DHRSX: variants seen among roughly 807,000 people sequenced by gnomAD.
DHRSX encodes the protein dehydrogenase/reductase X-linked.
Under a neutral mutation model 34.0 loss-of-function variants are expected in DHRSX, and 31 were observed. That is an observed-to-expected ratio of 0.91 (90% confidence interval 0.69 to 1.23). The LOEUF is 1.23. Ranked by LOEUF, DHRSX falls within the 50% of genes most tolerant of loss-of-function variation. The pLI, the probability that DHRSX is intolerant of heterozygous loss-of-function variation, is 0.00. For synonymous variants in DHRSX, 201 were observed against 183.8 expected (o/e 1.09, Z -0.76); for missense variants, 414 against 428.1 (o/e 0.97, Z 0.29).
chrX:2,462,127 G>A (rs2044410286), intron 1 of DHRSX, among the ~76,000 whole-genome samples: 1 of 150,266 alleles, frequency 6.7e-6, no homozygotes, highest in African/African-American at 2.5e-5. Flanking sequence ...AGCCCCCAGT[G>A]TTAGATCTGA....
chrX:2,406,588 CT>C (rs2043558276), intron 3 of DHRSX, among the ~76,000 whole-genome samples: 1 of 151,936 alleles, frequency 6.6e-6, no homozygotes, highest in African/African-American at 2.4e-5. Flanking sequence ...TTACAGGCCC[CT>C]GCCACCACGC....
chrX:2,294,662 C>A (rs1260043893), intron 3 of DHRSX, among the ~76,000 whole-genome samples: 7 of 82,842 alleles, frequency 8.4e-5, no homozygotes, highest in Non-Finnish European at 1.5e-4. Flanking sequence ...AAGACTCTGT[C>A]TCAAAAAAAA....
At chrX:2,420,397 A>AG (rs2043763496) in intron 2 of DHRSX, among the ~76,000 whole-genome samples, 1 of 132,564 alleles carries the variant, frequency 7.5e-6, no homozygotes, top group African/African-American at 2.8e-5. Context: ...AATAACAGCG[A>AG]AACTCCATCT....
chrX:2,467,449 G>A (rs1320499364), intron 1 of DHRSX, among the ~76,000 whole-genome samples: 4 of 152,110 alleles, frequency 2.6e-5, no homozygotes, highest in South Asian at 2.1e-4. Flanking sequence ...CTCTCCACAC[G>A]GGTGACCCCA....
intron 3 of DHRSX, among the ~76,000 whole-genome samples, chrX:2,390,283 T>C (rs961792045): frequency 2.0e-5 from 3 of 151,572 alleles, no homozygotes; most frequent in Non-Finnish European, 2.9e-5. Context: ...GCTGGGATTA[T>C]AGGCGCCCAC....
chrX:2,364,916 TTCTG>T (rs1320418313), intron 3 of DHRSX, among the ~76,000 whole-genome samples: 1 of 152,220 alleles, frequency 6.6e-6, no homozygotes, highest in African/African-American at 2.4e-5. Flanking sequence ...TCTAGCTATT[TTCTG>T]TCTAACTAAT....
intron 3 of DHRSX, among the ~76,000 whole-genome samples, chrX:2,317,541 T>G (rs1440721055): frequency 1.3e-5 from 2 of 151,660 alleles, no homozygotes; most frequent in Non-Finnish European, 2.9e-5. Context: ...CGTGAGCCAC[T>G]GCGTGCGGCC....
intron 5 of DHRSX, among the ~76,000 whole-genome samples, chrX:2,262,798 G>C (rs2041381938): frequency 6.6e-6 from 1 of 150,796 alleles, no homozygotes; most frequent in South Asian, 2.1e-4. Flanking sequence ...CTTCATGCAG[G>C]ATCCCATCGA....
intron 6 of DHRSX, among the ~76,000 whole-genome samples, chrX:2,230,907 T>C (rs1212091414): frequency 6.6e-6 from 1 of 152,168 alleles, no homozygotes; most frequent in African/African-American, 2.4e-5. Context: ...GTCCTGTTTT[T>C]CTTGAGAACT....
At chrX:2,314,564 T>C (rs2042219844) in intron 3 of DHRSX, among the ~76,000 whole-genome samples, 1 of 150,884 alleles carries the variant, frequency 6.6e-6, no homozygotes, top group South Asian at 2.1e-4. Context: ...CACAAGAGAC[T>C]TCTCAGGGCA....
chrX:2,303,188 T>G (rs1459636642), intron 3 of DHRSX, among the ~76,000 whole-genome samples: 1 of 152,166 alleles, frequency 6.6e-6, no homozygotes, highest in African/African-American at 2.4e-5. Context: ...AAAAAAGGCT[T>G]ATAGCCACTA....
At chrX:2,332,618 C>A (rs2042494412) in intron 3 of DHRSX, among the ~76,000 whole-genome samples, 1 of 152,182 alleles carries the variant, frequency 6.6e-6, no homozygotes, top group Admixed American at 6.6e-5. Context: ...TAAAAACAGT[C>A]CACCCCAATG....
At chrX:2,378,030 G>A (rs1467621938) in intron 3 of DHRSX, among the ~76,000 whole-genome samples, 5 of 152,046 alleles carry the variant, frequency 3.3e-5, no homozygotes, top group East Asian at 1.9e-4. Context: ...GAGCCACTGC[G>A]CCCGGCCGTG....
At chrX:2,489,925 G>C in intron 1 of DHRSX, 1 of 1,613,864 alleles carries the variant, frequency 6.2e-7, no homozygotes, top group Non-Finnish European at 8.5e-7. Flanking sequence ...TGGTGGCCCC[G>C]AAGACCTTGG....
intron 6 of DHRSX, among the ~76,000 whole-genome samples, chrX:2,242,555 C>A (rs2016165692): frequency 6.6e-6 from 1 of 152,030 alleles, no homozygotes; most frequent in Admixed American, 6.6e-5. Flanking sequence ...TAAGAGGTTG[C>A]TACAAGGTAC....
Position 2,405,656 on chromosome X carries a change from G to A in DHRSX, c.286+3089C>T, listed in dbSNP as rs760923392. 4.0e-5 allele frequency among the ~76,000 whole-genome samples: 6 copies of A among 151,514 alleles called. No homozygotes were observed. The East Asian group carries it at 7.9e-4, about 20-fold the overall frequency. ...CCCCAACTCTACAAAGAGTAGCTGGGTGTGGTGCTGCACACCTGTATTCCC... is the reference window on the plus strand; with the variant it reads ...CCCCAACTCTACAAAGAGTAGCTGGATGTGGTGCTGCACACCTGTATTCCC... On this transcript the variant is annotated intron_variant, in intron 3 of 6. Transcript: ENST00000334651.
At chrX:2,429,693 T>C (rs1296142988) in intron 1 of DHRSX, among the ~76,000 whole-genome samples, 2 of 152,004 alleles carry the variant, frequency 1.3e-5, no homozygotes, top group African/African-American at 4.8e-5. Flanking sequence ...GGGGCTCAAG[T>C]CATCCTCCCA....
At chrX:2,327,804 G>A (rs1490832674) in intron 3 of DHRSX, among the ~76,000 whole-genome samples, 1 of 152,046 alleles carries the variant, frequency 6.6e-6, no homozygotes. Flanking sequence ...GATGAGGCCG[G>A]GTGTGGTGGC....
At chrX:2,386,553 A>C (rs2043274752) in intron 3 of DHRSX, among the ~76,000 whole-genome samples, 1 of 152,192 alleles carries the variant, frequency 6.6e-6, no homozygotes, top group South Asian at 2.1e-4. Flanking sequence ...CACTTGGTGG[A>C]AAGTTCTGAC....
Sources: allele counts gnomAD v4.1 joint callset (sites outside exome capture counted in the v4.1 genomes callset), GRCh38; gene constraint gnomAD v4.1.1; transcripts MANE v1.5; gene names NCBI Gene and HGNC (gene_info 2026-07-23, HGNC 2026-07-21).